Variants in C10orf90 observed in about 807,000 individuals in gnomAD.
The protein encoded by C10orf90 is chromosome 10 open reading frame 90.
Under a neutral mutation model 62.5 loss-of-function variants are expected in C10orf90, and 56 were observed. The observed-to-expected ratio is 0.90, with a 90% CI of 0.72 to 1.12. The LOEUF (loss-of-function observed/expected upper bound fraction) is 1.12. C10orf90 is among the 50% of genes most tolerant of loss of function. C10orf90 has a pLI of 0.00. For missense variants in C10orf90, 970 were observed against 880.4 expected, an observed-to-expected ratio of 1.10 and a Z score of -1.29; for synonymous variants, 386 against 340.4, an observed-to-expected ratio of 1.13 and a Z score of -1.47.
At chr10:126,482,047 T>C (rs781311686) in intron 4 of C10orf90, among the ~76,000 whole-genome samples, 4 of 151,764 alleles carry the variant, frequency 2.6e-5, no homozygotes, top group Non-Finnish European at 5.9e-5. Context: ...CATTGGCTCA[T>C]ACTTTTTTTG....
intron 2 of C10orf90, among the ~76,000 whole-genome samples, chr10:126,629,840 G>C (rs577786661): frequency 6.6e-6 from 1 of 151,710 alleles, no homozygotes; most frequent in Non-Finnish European, 1.5e-5. Context: ...AGGCCAGGCA[G>C]AGCAGGATTT....
At chr10:126,530,304 A>G (rs1864060025) in intron 2 of C10orf90, among the ~76,000 whole-genome samples, 1 of 152,168 alleles carries the variant, frequency 6.6e-6, no homozygotes. Flanking sequence ...GAAAAACTTG[A>G]CAAAGTTAAA....
At chr10:126,546,663 C>A (rs76115119) in intron 2 of C10orf90, among the ~76,000 whole-genome samples, 6 of 152,214 alleles carry the variant, frequency 3.9e-5, no homozygotes, top group African/African-American at 1.4e-4. Flanking sequence ...GATTTCCCCC[C>A]TCTTGGGTGT....
intron 2 of C10orf90, among the ~76,000 whole-genome samples, chr10:126,536,292 C>T (rs1355236016): frequency 6.6e-6 from 1 of 152,222 alleles, no homozygotes; most frequent in Non-Finnish European, 1.5e-5. Flanking sequence ...AAGGAAGCAT[C>T]TCCCTGTCAT....
At chr10:126,440,358 C>T (rs1461204533) in intron 7 of C10orf90, among the ~76,000 whole-genome samples, 1 of 152,118 alleles carries the variant, frequency 6.6e-6, no homozygotes, top group Admixed American at 6.5e-5. Flanking sequence ...GAACCTCATC[C>T]CCTATCCGCC....
intron 2 of C10orf90, among the ~76,000 whole-genome samples, chr10:126,549,145 G>GA (rs1245465478): frequency 6.6e-6 from 1 of 152,122 alleles, no homozygotes; most frequent in Non-Finnish European, 1.5e-5. Flanking sequence ...TCCACAAAAG[G>GA]AAAAATTGAC....
At chr10:126,542,866 T>C (rs1864408843) in intron 2 of C10orf90, among the ~76,000 whole-genome samples, 1 of 152,262 alleles carries the variant, frequency 6.6e-6, no homozygotes, top group East Asian at 1.9e-4. Flanking sequence ...GTGATTCATC[T>C]ATTTCACTTA....
intron 2 of C10orf90, among the ~76,000 whole-genome samples, chr10:126,557,635 C>T (rs1864807727): frequency 6.6e-6 from 1 of 152,152 alleles, no homozygotes; most frequent in African/African-American, 2.4e-5. Flanking sequence ...CATCATTTTG[C>T]ATGTTGCAAA....
chr10:126,487,438 A>T (rs1861501509), intron 4 of C10orf90, among the ~76,000 whole-genome samples: 1 of 152,152 alleles, frequency 6.6e-6, no homozygotes, highest in Non-Finnish European at 1.5e-5. Flanking sequence ...TAATAGTTAG[A>T]CATATAGCTG....
In C10orf90 at chr10:126,559,453, G is replaced by A. The variant is rs185825148; in HGVS notation, c.314-45514C>T. Among the ~76,000 whole-genome samples the A allele has an allele frequency of 2.0e-5, 3 of 152,184 alleles. No individual in the cohort carries two copies. The South Asian group carries it at 6.2e-4, about 31-fold the overall frequency. On this transcript the variant is annotated intron_variant, in intron 2 of 9. Transcript: ENST00000488181. ...CTCAGTTGACGAGGGCAAGTTCTGT[G>A]TTTGCAGCAGTGAATATCTCTTACA...
intron 2 of C10orf90, among the ~76,000 whole-genome samples, chr10:126,611,262 C>T (rs10901640): frequency 0.36 from 55,421 of 152,072 alleles, 11,932 homozygotes; most frequent in Non-Finnish European, 0.5. Flanking sequence ...TCCCTAGTGT[C>T]GGACTTCTTT....
At chr10:126,555,077 G>A (rs1864729568) in intron 2 of C10orf90, among the ~76,000 whole-genome samples, 1 of 152,186 alleles carries the variant, frequency 6.6e-6, no homozygotes. Flanking sequence ...TCTCAGAGAT[G>A]TGGCGTCTGC....
chr10:126,648,745 G>A (rs1846220232), intron 1 of C10orf90, among the ~76,000 whole-genome samples: 1 of 152,124 alleles, frequency 6.6e-6, no homozygotes, highest in South Asian at 2.1e-4. Flanking sequence ...GAGGTGGAGG[G>A]ATGCAGAGAG....
chr10:126,626,128 CAAAAA>C (rs35587001), intron 2 of C10orf90, among the ~76,000 whole-genome samples: 2 of 109,882 alleles, frequency 1.8e-5, no homozygotes, highest in Non-Finnish European at 1.9e-5. Flanking sequence ...GATTCCATCT[CAAAAA>C]AAAAAAAAAA....
chr10:126,469,312 C>T (rs866005134), intron 4 of C10orf90, among the ~76,000 whole-genome samples: 2 of 152,196 alleles, frequency 1.3e-5, no homozygotes, highest in Non-Finnish European at 2.9e-5. Context: ...CATTCATTCA[C>T]TCAGGAAGGG....
intron 3 of C10orf90, among the ~76,000 whole-genome samples, chr10:126,513,224 C>T (rs1410434595): frequency 6.6e-6 from 1 of 152,162 alleles, no homozygotes; most frequent in Middle Eastern, 3.2e-3. Flanking sequence ...AGCTCCAGAG[C>T]CAGGCAGGTT....
At chr10:126,616,548 C>T (rs773437381) in intron 2 of C10orf90, among the ~76,000 whole-genome samples, 6 of 152,080 alleles carry the variant, frequency 3.9e-5, no homozygotes, top group African/African-American at 7.2e-5. Context: ...GAGTCAGAGA[C>T]GCCTAATAGA....
intron 1 of C10orf90, among the ~76,000 whole-genome samples, chr10:126,650,349 AT>A (rs1846266724): frequency 6.6e-6 from 1 of 151,998 alleles, no homozygotes; most frequent in Non-Finnish European, 1.5e-5. Flanking sequence ...TTTAAGAACC[AT>A]TTTTCACCTC....
At chr10:126,640,020 G>C (rs1001957541) in intron 2 of C10orf90, among the ~76,000 whole-genome samples, 1 of 152,204 alleles carries the variant, frequency 6.6e-6, no homozygotes, top group Non-Finnish European at 1.5e-5. Context: ...GGGCCGGATG[G>C]TCTATTTTCT....
Sources: allele counts gnomAD v4.1 joint callset (sites outside exome capture counted in the v4.1 genomes callset), GRCh38; gene constraint gnomAD v4.1.1; transcripts MANE v1.5; gene names NCBI Gene and HGNC (gene_info 2026-07-23, HGNC 2026-07-21).